Variants in SOX5 observed in about 807,000 individuals in gnomAD.
SOX5 encodes SRY-box transcription factor 5.
SOX5 carries 9 observed loss-of-function variants against 92.0 expected under a neutral mutation model. That is an observed-to-expected ratio of 0.10 (90% confidence interval 0.06 to 0.17). SOX5 has a LOEUF of 0.17. SOX5 is among the 10% of genes least tolerant of loss of function. The probability of loss-of-function intolerance (pLI) is 1.00; values close to 1 mark genes in which losing one functional copy is unlikely to be tolerated. For missense variants in SOX5, 642 were observed against 944.5 expected (o/e 0.68, Z 4.20); for synonymous variants, 344 against 336.3 (o/e 1.02, Z -0.25).
intron 2 of SOX5, among the ~76,000 whole-genome samples, chr12:23,879,349 A>C (rs1332085317): frequency 6.6e-6 from 1 of 152,182 alleles, no homozygotes; most frequent in East Asian, 1.9e-4. Context: ...ACTAGAAAAG[A>C]AATTAACAGG....
At chr12:24,020,190 A>C (rs1954119783) in intron 4 of SOX5, among the ~76,000 whole-genome samples, 1 of 152,192 alleles carries the variant, frequency 6.6e-6, no homozygotes, top group South Asian at 2.1e-4. Flanking sequence ...TAGGTAACTA[A>C]AGGTCAAAGT....
intron 13 of SOX5, among the ~76,000 whole-genome samples, chr12:23,538,950 G>A (rs979595856): frequency 6.6e-5 from 10 of 151,268 alleles, no homozygotes; most frequent in Admixed American, 4.6e-4. Flanking sequence ...ACAGGCGCCC[G>A]CCACCACGCC....
intron 1 of SOX5, among the ~76,000 whole-genome samples, chr12:23,908,919 TA>T (rs1225138492): frequency 6.6e-6 from 1 of 152,156 alleles, no homozygotes; most frequent in Non-Finnish European, 1.5e-5. Context: ...CTTAACTGTT[TA>T]TCTTCTTTCC....
rs533549173 is a variant in SOX5, at chr12:23,920,809, T to C, written c.39-24785A>G. 3.3e-5 allele frequency among the ~76,000 whole-genome samples: 5 copies of C among 152,300 alleles called. 1 individual carries two copies. The South Asian group carries it at 1.0e-3, about 32-fold the overall frequency. ...AAATAAGCAGTTTGTATAATATATG[T>C]ATGCAAAATAGCATGATTCAAAACA... On this transcript the variant is annotated intron_variant, in intron 1 of 14. Transcript: ENST00000451604.
At chr12:23,991,787 C>T (rs936845027) in intron 4 of SOX5, among the ~76,000 whole-genome samples, 17 of 149,678 alleles carry the variant, frequency 1.1e-4, no homozygotes, top group African/African-American at 2.7e-4. Flanking sequence ...TTATGCAGTA[C>T]GAGTACTGAA....
At chr12:23,788,764 A>G (rs7956324) in intron 3 of SOX5, among the ~76,000 whole-genome samples, 4,536 of 152,060 alleles carry the variant, frequency 0.03, 102 homozygotes, top group Middle Eastern at 0.092. Context: ...AAACTGATGA[A>G]ATAAGTAATT....
chr12:24,152,966 A>C lies in SOX5; in HGVS notation c.-2+60377T>G, dbSNP rs116095235. Among the ~76,000 whole-genome samples, 449 of 152,178 alleles carry C rather than the reference A, an allele frequency of 3.0e-3. 2 individuals are homozygous for C. The highest frequency in any genetic ancestry group is 0.01 in the African/African-American group (428 of 41,534). ...ATTCTTGATGTGGAGCACAGTGTTG[A>C]GCTCGAAGACTCTGATGAGTTAAAT... On this transcript the variant is annotated intron_variant, in intron 4 of 4. Transcript: ENST00000446891.
rs529175635 is a variant in SOX5, at chr12:23,895,925, C to T, written c.138G>A (p.Gly46=). 5.0e-6 allele frequency: 8 copies of T among 1,614,010 alleles called. No individual in the cohort carries two copies. In the African/African-American group the frequency reaches 9.3e-5, roughly 19 times the overall value. The stretch of plus-strand genomic sequence containing the variant: ...GCAAGGGAAGGTGAAAGGCTGGGAG[C>T]CCGTCACTCTCCTCTTCTTCCACTT... ...RQKVEEEESD[G]LPAFHLPLHV... The change falls in exon 2 of 15, where the codon GGG becomes GGA. Residue 46 remains glycine, a synonymous_variant. Coordinates refer to ENST00000451604, the MANE Select transcript of SOX5 (RefSeq NM_006940.6).
chr12:24,210,667 T>C (rs757296272), intron 4 of SOX5, among the ~76,000 whole-genome samples: 9 of 152,178 alleles, frequency 5.9e-5, no homozygotes, highest in Non-Finnish European at 1.0e-4. Flanking sequence ...AGGTCCCTAT[T>C]ATAAAACAAT....
chr12:24,381,973 C>T (rs1474277626), intron 1 of SOX5, among the ~76,000 whole-genome samples: 1 of 152,180 alleles, frequency 6.6e-6, no homozygotes, highest in East Asian at 1.9e-4. Flanking sequence ...CAGCCAAAAT[C>T]GGCCTGAGAT....
rs543570495 is a variant in SOX5 at position 24,407,880 on chromosome 12, C to G, written c.-250-39241G>C. On this transcript the variant is annotated intron_variant, in intron 1 of 4. Transcript: ENST00000446891. ...AACGTAGTAGGGAATTTCGAGGTTT[C>G]TATCCAAGACTTGGAATTTTTTAAA... is the stretch of plus-strand genomic sequence containing the variant. Among the ~76,000 whole-genome samples the G allele has an allele frequency of 3.0e-4, 46 of 152,294 alleles. 1 individual carries two copies. The highest frequency in any genetic ancestry group is 1.5e-3 in the South Asian group (7 of 4,824).
intron 4 of SOX5, among the ~76,000 whole-genome samples, chr12:24,118,142 C>T (rs1488306096): frequency 6.6e-6 from 1 of 150,584 alleles, no homozygotes; most frequent in African/African-American, 2.4e-5. Context: ...TCAAAAGTTA[C>T]AAGGTTTTAA....
intron 1 of SOX5, among the ~76,000 whole-genome samples, chr12:24,542,317 T>C (rs1301368483): frequency 6.6e-6 from 1 of 152,228 alleles, no homozygotes; most frequent in East Asian, 1.9e-4. Context: ...GTGCTTTTCA[T>C]ACCATAGCCC....
intron 2 of SOX5, among the ~76,000 whole-genome samples, chr12:24,351,808 A>G (rs1299794845): frequency 3.3e-5 from 5 of 152,250 alleles, no homozygotes; most frequent in Non-Finnish European, 7.3e-5. Flanking sequence ...CATATTGGAA[A>G]TGAAGAATTA....
At chr12:24,124,160 C>A (rs1047255531) in intron 4 of SOX5, among the ~76,000 whole-genome samples, 4 of 152,150 alleles carry the variant, frequency 2.6e-5, no homozygotes, top group African/African-American at 9.7e-5. Flanking sequence ...ACCTGCTGTC[C>A]TGATCCACTT....
At chr12:24,491,050 A>G (rs890308985) in intron 1 of SOX5, among the ~76,000 whole-genome samples, 8 of 84,194 alleles carry the variant, frequency 9.5e-5, no homozygotes, top group Non-Finnish European at 1.4e-4. Flanking sequence ...AAAACCCACT[A>G]TCTCTTTCTT....
chr12:24,251,428 C>T (rs1047933830), intron 3 of SOX5, among the ~76,000 whole-genome samples: 4 of 152,118 alleles, frequency 2.6e-5, no homozygotes, highest in Non-Finnish European at 5.9e-5. Flanking sequence ...ATACTTCTTA[C>T]ATTTAATAAA....
At chr12:23,627,466 T>C (rs980876351) in intron 8 of SOX5, among the ~76,000 whole-genome samples, 3 of 152,154 alleles carry the variant, frequency 2.0e-5, no homozygotes, top group Non-Finnish European at 4.4e-5. Flanking sequence ...CCAAGAAAGT[T>C]ACTTGCTAAC....
At chr12:23,564,780 C>A (rs1260389440) in intron 10 of SOX5, among the ~76,000 whole-genome samples, 2 of 152,200 alleles carry the variant, frequency 1.3e-5, no homozygotes, top group Admixed American at 6.5e-5. Context: ...GTACTAAGAG[C>A]CTTGTCTAAT....
Sources: gnomAD v4.1 joint callset for allele counts (sites outside exome capture counted in the v4.1 genomes callset) on GRCh38, gnomAD v4.1.1 for gene constraint, MANE v1.5 for transcripts, NCBI Gene and HGNC (gene_info 2026-07-23, HGNC 2026-07-21) for gene names.